MDM2: variants seen among roughly 807,000 people sequenced by gnomAD.
The protein encoded by MDM2 is MDM2 proto-oncogene, also known as E3 ubiquitin-protein ligase Mdm2.
Under a neutral mutation model 64.3 loss-of-function variants are expected in MDM2, and 11 were observed. That is an observed-to-expected ratio of 0.17 (90% CI 0.11 to 0.28). MDM2 has a LOEUF of 0.28. MDM2 is among the 10% of genes least tolerant of loss of function. The probability of loss-of-function intolerance (pLI) is 1.00; values close to 1 mark genes in which losing one functional copy is unlikely to be tolerated. For missense variants in MDM2, 388 were observed against 577.1 expected (o/e 0.67, Z 3.36); for synonymous variants, 194 against 192.9 (o/e 1.01, Z -0.05).
chr12:68,849,802 G>C (rs1298771336), downstream of MDM2: 1 of 150,856 alleles, frequency 6.6e-6, no homozygotes, highest in Non-Finnish European at 1.5e-5. Context: ...CAGTAGAGAT[G>C]GGGTTTTGCT....
chr12:68,847,194 C>CA (rs1565756731), downstream of MDM2: 5 of 52,316 alleles, frequency 9.6e-5, no homozygotes, highest in African/African-American at 4.6e-4. Flanking sequence ...TGTGTGTGTA[C>CA]ATTATATATA....
Position 68,829,186 on chromosome 12 carries a change from AC to A in MDM2, c.684+256del. ...AGTAGTATTAGTAATTATCAATGTC[AC>A]TGTATGTATTAGAGAATATTTGTGG... On this transcript the variant is annotated intron_variant, in intron 8 of 10. Transcript: ENST00000258149. Among the ~76,000 whole-genome samples, 3 of 152,324 alleles carry A rather than the reference AC, an allele frequency of 2.0e-5. No homozygotes were observed. The South Asian group carries it at 6.2e-4, about 32-fold the overall frequency.
At chr12:68,818,028 C>A (rs981886348) in intron 4 of MDM2, among the ~76,000 whole-genome samples, 1 of 151,932 alleles carries the variant, frequency 6.6e-6, no homozygotes, top group East Asian at 1.9e-4. Flanking sequence ...TCCTAACCTT[C>A]GGTAATCCAC....
At chr12:68,849,865 G>A (rs1884583144), downstream of MDM2, 1 of 152,468 alleles carries the variant, frequency 6.6e-6, no homozygotes, top group Non-Finnish European at 1.5e-5. Flanking sequence ...CAGTCGCCTC[G>A]GCCTCCCAAA....
At chr12:68,825,543 C>T (rs1293328770) in intron 7 of MDM2, among the ~76,000 whole-genome samples, 1 of 152,110 alleles carries the variant, frequency 6.6e-6, no homozygotes, top group Non-Finnish European at 1.5e-5. Flanking sequence ...GTCCCAGCTA[C>T]TCGGGAGGCT....
intron 8 of MDM2, among the ~76,000 whole-genome samples, chr12:68,832,158 T>C (rs542500540): frequency 1.3e-5 from 2 of 152,330 alleles, no homozygotes; most frequent in South Asian, 2.1e-4. Context: ...CTTCTTCGTT[T>C]TAATTTCCCT....
Position 68,843,730 on chromosome 12 carries a change from A to C in MDM2, c.*3881A>C. 4.5e-6 allele frequency: 1 copy of C among 223,702 alleles called. No individual in the cohort carries two copies. Among genetic ancestry groups the C allele is most frequent in the Non-Finnish European group, 8.9e-6 (1 of 112,332 alleles). The allele number at this position is 223,702 out of a possible 1,614,324, so 13.9% of individuals were successfully genotyped here. A position where few individuals can be genotyped will look rare whatever the true frequency, so the allele number is the denominator to read the frequency against. On this transcript the variant is annotated 3_prime_UTR_variant, in exon 11 of 11. Transcript: ENST00000258149. ...CTCTCTCTCTCTGTCTGTCTCAATA[A>C]ATGGCCAAAGGGATTAGTAGTTTAC...
At position 68,832,658 on chromosome 12, in the gene MDM2, G is replaced by A. The variant is rs567029541; in HGVS notation, c.685-3171G>A. On this transcript the variant is annotated intron_variant, in intron 8 of 10. Coordinates refer to ENST00000258149, the MANE Select transcript of MDM2 (RefSeq NM_002392.6). Reference sequence around the variant, plus strand: ...TTGAGAGTTAGCTGGGACTACAGGTGTGCACCACCACACCTGGCTAATTTT... The same window carrying A: ...TTGAGAGTTAGCTGGGACTACAGGTATGCACCACCACACCTGGCTAATTTT... Among the ~76,000 whole-genome samples, 8 of 151,478 alleles carry A rather than the reference G, an allele frequency of 5.3e-5. No individual in the cohort carries two copies. The South Asian group carries it at 1.7e-3, about 32-fold the overall frequency.
chr12:68,830,458 A>T (rs893602018), intron 8 of MDM2, among the ~76,000 whole-genome samples: 1 of 152,232 alleles, frequency 6.6e-6, no homozygotes, highest in African/African-American at 2.4e-5. Flanking sequence ...CTTCATTTGT[A>T]GATATTTAAG....
chr12:68,828,799 A>C lies in MDM2; in HGVS notation c.552A>C (p.Glu184Asp), dbSNP rs1882553094. Residue 184 changes from glutamate (E) to aspartate (D), a missense_variant, in exon 8 of 11, where the codon GAA becomes GAC. Physicochemically the swap from Glu to Asp is conservative, Grantham distance 45. This residue lies in a region of MDM2 where 168 missense variants were observed against 236.6 expected (regional missense o/e 0.71). Coordinates refer to ENST00000258149, the MANE Select transcript of MDM2 (RefSeq NM_002392.6). ...TEENSDELSG[E>D]RQRKRHKSDS... ...AAAATTCAGATGAATTATCTGGTGA[A>C]CGACAAAGAAAACGCCACAAATCTG... 1 of 1,613,988 alleles carries C rather than the reference A, an allele frequency of 6.2e-7. No individual in the cohort carries two copies. The highest frequency in any genetic ancestry group is 8.5e-7 in the Non-Finnish European group (1 of 1,179,998).
At chr12:68,838,231 C>G (rs948037082) in intron 10 of MDM2, among the ~76,000 whole-genome samples, 1 of 152,144 alleles carries the variant, frequency 6.6e-6, no homozygotes, top group African/African-American at 2.4e-5. Flanking sequence ...TACGGAAATA[C>G]CTCTTACTTA....
At chr12:68,847,456 T>C (rs887614234), downstream of MDM2, 4 of 114,260 alleles carry the variant, frequency 3.5e-5, no homozygotes, top group African/African-American at 8.3e-5. Context: ...TCCTTTCTTT[T>C]TTTTTTTTTT....
At chr12:68,834,646 A>T (rs919959651) in intron 8 of MDM2, among the ~76,000 whole-genome samples, 5 of 152,130 alleles carry the variant, frequency 3.3e-5, no homozygotes, top group Non-Finnish European at 7.4e-5. Context: ...CTGAGGCAGG[A>T]GAATTGCTTG....
At position 68,840,148 on chromosome 12, in the gene MDM2, CTTA is replaced by C. The variant is rs543221794; in HGVS notation, c.*305_*307del. 2.8e-4 allele frequency: 85 copies of C among 301,396 alleles called. No homozygotes were observed. The highest frequency in any genetic ancestry group is 1.2e-3 in the African/African-American group (53 of 45,460). 18.7% of individuals were successfully genotyped at this position (301,396 alleles called of 1,614,324 possible). ...ATATGTATATGACATTTAAATGTAA[CTTA>C]TTATTTTTTTTGAGACCGAGTCTTG... On this transcript the variant is annotated 3_prime_UTR_variant, in exon 11 of 11. Transcript: ENST00000258149.
At position 68,841,684 on chromosome 12, in the gene MDM2, T is replaced by C. The variant is rs776664631; in HGVS notation, c.*1835T>C. 35 of 209,046 alleles carry C rather than the reference T, an allele frequency of 1.7e-4. No homozygotes were observed. The highest frequency in any genetic ancestry group is 3.2e-4 in the Non-Finnish European group (33 of 102,948). 12.9% of individuals were successfully genotyped at this position (209,046 alleles called of 1,614,324 possible). The stretch of plus-strand genomic sequence containing the variant: ...ATGGTTCCCAGCCTAGGTTTCAGAC[T>C]TTTGCTTAAGGCCAGTTTTAGAAAC... On this transcript the variant is annotated 3_prime_UTR_variant, in exon 11 of 11. Transcript: ENST00000258149.
chr12:68,834,502 C>G (rs1375184746), intron 8 of MDM2, among the ~76,000 whole-genome samples: 1 of 151,552 alleles, frequency 6.6e-6, no homozygotes, highest in Non-Finnish European at 1.5e-5. Context: ...TTTGGGAGGC[C>G]AAGGCGGTTG....
At chr12:68,811,904 C>A (rs1266120252) in intron 2 of MDM2, among the ~76,000 whole-genome samples, 2 of 151,564 alleles carry the variant, frequency 1.3e-5, no homozygotes, top group African/African-American at 4.8e-5. Context: ...CTGGCCCACA[C>A]CTGGGTAATT....
intron 3 of MDM2, among the ~76,000 whole-genome samples, chr12:68,815,108 A>C (rs1881237653): frequency 6.6e-6 from 1 of 152,216 alleles, no homozygotes; most frequent in Non-Finnish European, 1.5e-5. Flanking sequence ...GTTAAATCCA[A>C]AGACAGTGTT....
chr12:68,824,769 CCT>C, intron 7 of MDM2, 118 bp downstream of exon 7: 2 of 663,442 alleles, frequency 3.0e-6, no homozygotes, highest in South Asian at 2.0e-5. Context: ...GATGAATTAA[CCT>C]CTGAGTTTTT....
Sources: allele counts gnomAD v4.1 joint callset (sites outside exome capture counted in the v4.1 genomes callset), GRCh38; gene constraint gnomAD v4.1.1; regional missense constraint gnomAD v4.1.1; transcripts MANE v1.5; gene names NCBI Gene and HGNC (gene_info 2026-07-23, HGNC 2026-07-21).